Variants in ADCY8 observed in about 807,000 individuals in gnomAD.
ADCY8 encodes the protein adenylate cyclase type 8.
Under a neutral mutation model 119.7 loss-of-function variants are expected in ADCY8, and 51 were observed. The ratio of observed to expected loss-of-function variants is 0.43; its 90% CI spans 0.34 to 0.54. The LOEUF (loss-of-function observed/expected upper bound fraction) is 0.54. ADCY8 is among the 20% of genes least tolerant of loss of function. The pLI, the probability that ADCY8 is intolerant of heterozygous loss-of-function variation, is 0.03. For synonymous variants in ADCY8, 665 were observed against 651.0 expected (o/e 1.02, Z -0.33); for missense variants, 1,383 against 1,598.8 (o/e 0.87, Z 2.30).
At chr8:130,802,019 T>G (rs2130117548) in intron 14 of ADCY8, among the ~76,000 whole-genome samples, 1 of 148,980 alleles carries the variant, frequency 6.7e-6, no homozygotes, top group African/African-American at 2.5e-5. Context: ...CTCGTTTCAA[T>G]ACCCATGTGC....
intron 8 of ADCY8, among the ~76,000 whole-genome samples, chr8:130,877,988 A>G (rs1818630457): frequency 6.6e-6 from 1 of 152,226 alleles, no homozygotes; most frequent in Admixed American, 6.5e-5. Flanking sequence ...GGTTTGGGTT[A>G]GAAGAGGATT....
intron 1 of ADCY8, among the ~76,000 whole-genome samples, chr8:131,003,164 G>A (rs1029557267): frequency 3.1e-4 from 46 of 149,706 alleles, no homozygotes; most frequent in African/African-American, 4.7e-4. Context: ...AGCTGAGATC[G>A]CACCATTGCA....
chr8:131,021,756 C>T (rs770548006), intron 1 of ADCY8, among the ~76,000 whole-genome samples: 4 of 152,078 alleles, frequency 2.6e-5, no homozygotes, highest in Non-Finnish European at 5.9e-5. Flanking sequence ...TGTTTGCTTC[C>T]CCTTCTGCTA....
chr8:130,998,688 G>A (rs888812180), intron 1 of ADCY8, among the ~76,000 whole-genome samples: 1 of 152,172 alleles, frequency 6.6e-6, no homozygotes, highest in Non-Finnish European at 1.5e-5. Flanking sequence ...CTGCTTCCAA[G>A]AGTCTCCTTG....
chr8:130,800,325 T>G, intron 15 of ADCY8, 101 bp downstream of exon 15: 1 of 1,194,862 alleles, frequency 8.4e-7, no homozygotes, highest in Non-Finnish European at 1.2e-6. Context: ...GGAATTCCGT[T>G]AAGTGCAAAA....
At chr8:130,871,103 A>G (rs1169097400) in intron 8 of ADCY8, among the ~76,000 whole-genome samples, 1 of 152,226 alleles carries the variant, frequency 6.6e-6, no homozygotes, top group Non-Finnish European at 1.5e-5. Context: ...AAATGCAAGG[A>G]GAGCAGGACT....
chr8:130,879,278 G>C (rs535476153), intron 8 of ADCY8, among the ~76,000 whole-genome samples: 8 of 152,182 alleles, frequency 5.3e-5, no homozygotes, highest in Non-Finnish European at 7.4e-5. Flanking sequence ...TGTAAAGAAG[G>C]CTCACAAATA....
rs145501876 is a variant in ADCY8 at position 131,022,445 on chromosome 8, C to T, written c.960+16929G>A. On this transcript the variant is annotated intron_variant, in intron 1 of 17. Coordinates refer to ENST00000286355, the MANE Select transcript of ADCY8 (RefSeq NM_001115.3). ...GCTTCATCCATGTCCCTGTAAAGGACATGAACTCATCCTTTTTTATGGTTG... is the reference window on the plus strand; with the variant it reads ...GCTTCATCCATGTCCCTGTAAAGGATATGAACTCATCCTTTTTTATGGTTG... 8.6e-3 allele frequency among the ~76,000 whole-genome samples: 1,313 copies of T among 152,268 alleles called. 19 individuals carry two copies. The highest frequency in any genetic ancestry group is 0.03 in the African/African-American group (1,243 of 41,544).
intron 6 of ADCY8, among the ~76,000 whole-genome samples, chr8:130,905,490 A>T (rs765682951): frequency 6.6e-6 from 1 of 152,220 alleles, no homozygotes; most frequent in African/African-American, 2.4e-5. Context: ...TGTTCATTTG[A>T]ATGAAAGAAT....
chr8:130,847,289 A>AAGAAGAAGAGGC (rs1306322512), intron 11 of ADCY8, 135 bp downstream of exon 11: 8 of 553,436 alleles, frequency 1.4e-5, no homozygotes, highest in Non-Finnish European at 2.6e-5. Flanking sequence ...GAAGAAAGGA[A>AAGAAGAAGAGGC]AGAAGAAGAG....
intron 2 of ADCY8, among the ~76,000 whole-genome samples, chr8:130,988,059 C>A (rs1822457823): frequency 6.6e-6 from 1 of 152,174 alleles, no homozygotes; most frequent in Non-Finnish European, 1.5e-5. Context: ...TATTCCCATG[C>A]CATTGATGGG....
At chr8:130,961,554 C>A (rs2130684074) in intron 2 of ADCY8, among the ~76,000 whole-genome samples, 1 of 152,208 alleles carries the variant, frequency 6.6e-6, no homozygotes, top group Non-Finnish European at 1.5e-5. Flanking sequence ...GCTTAATGTT[C>A]TTTCCTTTGA....
chr8:130,976,470 A>G (rs1184772901), intron 2 of ADCY8, among the ~76,000 whole-genome samples: 3 of 152,240 alleles, frequency 2.0e-5, no homozygotes, highest in Non-Finnish European at 4.4e-5. Flanking sequence ...GACAGTTTCC[A>G]TAGATACCTG....
intron 7 of ADCY8, among the ~76,000 whole-genome samples, chr8:130,892,936 A>T (rs1819239461): frequency 6.6e-6 from 1 of 152,166 alleles, no homozygotes; most frequent in African/African-American, 2.4e-5. Context: ...CTCCTGCCTG[A>T]GAAGCTTGCC....
At position 130,943,383 on chromosome 8, in the gene ADCY8, C is replaced by T. The variant is rs369429897; in HGVS notation, c.1321G>A (p.Glu441Lys). The T allele has an allele frequency of 2.5e-6, 4 of 1,599,760 alleles. No homozygotes were observed. The highest frequency in any genetic ancestry group is 1.7e-4 in the Middle Eastern group (1 of 5,994). ...AGTCGATCAAATCTGGCAAAGAGCT[C>T]GTTGAGCATCCTGACCAGCTCCTGA... ...SAQELVRMLN[E>K]LFARFDRLAH... Residue 441 changes from glutamate to lysine, a missense_variant, in exon 4 of 18, where the codon GAG (glutamate) becomes AAG (lysine). By Grantham distance (56) the Glu-to-Lys change is moderately conservative. Coordinates refer to ENST00000286355, the MANE Select transcript of ADCY8 (RefSeq NM_001115.3).
chr8:131,008,696 G>T (rs999653008), intron 1 of ADCY8, among the ~76,000 whole-genome samples: 6 of 152,180 alleles, frequency 3.9e-5, no homozygotes, highest in Non-Finnish European at 8.8e-5. Flanking sequence ...TGGGTTACAG[G>T]CAGAGGTTGG....
intron 9 of ADCY8, among the ~76,000 whole-genome samples, chr8:130,857,059 C>G (rs1817761251): frequency 6.9e-6 from 1 of 144,770 alleles, no homozygotes. Flanking sequence ...TGAAATAGAA[C>G]TTTGCAGGGC....
intron 2 of ADCY8, among the ~76,000 whole-genome samples, chr8:130,964,401 C>A (rs1327837193): frequency 6.6e-6 from 1 of 151,028 alleles, no homozygotes; most frequent in Non-Finnish European, 1.5e-5. Flanking sequence ...TCAAACCCAG[C>A]TATGTTAGTT....
intron 12 of ADCY8, among the ~76,000 whole-genome samples, chr8:130,829,981 C>T (rs1328123199): frequency 6.6e-6 from 1 of 152,096 alleles, no homozygotes; most frequent in South Asian, 2.1e-4. Flanking sequence ...CAGGAGGAGC[C>T]CTAGCTGCTG....
Sources: gnomAD v4.1 joint callset for allele counts (sites outside exome capture counted in the v4.1 genomes callset) on GRCh38, gnomAD v4.1.1 for gene constraint, MANE v1.5 for transcripts, NCBI Gene and HGNC (gene_info 2026-07-23, HGNC 2026-07-21) for gene names.